Variants in PUS10 observed in about 807,000 individuals in gnomAD.
PUS10 encodes pseudouridine synthase 10, also known as tRNA pseudouridine synthase Pus10.
In PUS10, 59 loss-of-function variants were observed where a neutral mutation model predicts 75.0. The observed-to-expected ratio is 0.79, with a 90% CI of 0.64 to 0.98. PUS10 has a LOEUF of 0.98. PUS10 is among the 50% of genes least tolerant of loss of function. The probability of loss-of-function intolerance (pLI) is 0.00; values close to 1 mark genes in which losing one functional copy is unlikely to be tolerated. For missense variants in PUS10, 650 were observed against 614.4 expected (o/e 1.06, Z -0.61); for synonymous variants, 219 against 211.6 (o/e 1.03, Z -0.30).
chr2:60,974,211 CTTTTTTT>C (rs35241132), intron 4 of PUS10, among the ~76,000 whole-genome samples: 1 of 96,118 alleles, frequency 1.0e-5, no homozygotes, highest in South Asian at 3.4e-4. Flanking sequence ...GATAAAGCTC[CTTTTTTT>C]TTTTTTTTTT....
chr2:60,997,813 C>G (rs957042773), intron 4 of PUS10, among the ~76,000 whole-genome samples: 1 of 151,998 alleles, frequency 6.6e-6, no homozygotes, highest in African/African-American at 2.4e-5. Context: ...ACTAATCTAA[C>G]CAAAAATAGG....
intron 4 of PUS10, among the ~76,000 whole-genome samples, chr2:60,988,982 A>G (rs1168392134): frequency 6.6e-6 from 1 of 152,028 alleles, no homozygotes; most frequent in Non-Finnish European, 1.5e-5. Context: ...AGCAGTACAG[A>G]GGTTTGTTAA....
At chr2:60,967,226 C>T in intron 6 of PUS10, 1 of 286,362 alleles carries the variant, frequency 3.5e-6, no homozygotes, top group African/African-American at 2.5e-5. Context: ...TGCTTTGCAT[C>T]AAGGCAAAGA....
intron 4 of PUS10, among the ~76,000 whole-genome samples, chr2:60,992,959 T>G (rs925420370): frequency 1.3e-5 from 2 of 152,252 alleles, no homozygotes; most frequent in Admixed American, 6.5e-5. Flanking sequence ...TGCCATGGAT[T>G]TAATTTTTAA....
intron 16 of PUS10, among the ~76,000 whole-genome samples, chr2:60,945,718 C>A (rs941623627): frequency 4.6e-5 from 7 of 152,192 alleles, no homozygotes; most frequent in Admixed American, 3.3e-4. Flanking sequence ...CTTAAAGGGG[C>A]AACTTTGTAT....
chr2:61,018,153 C>A lies in PUS10; in HGVS notation c.-161G>T, dbSNP rs1175610326. 1 of 1,550,574 alleles carries A rather than the reference C, an allele frequency of 6.4e-7. No individual in the cohort carries two copies. Among genetic ancestry groups the A allele is most frequent in the Non-Finnish European group, 8.7e-7 (1 of 1,146,828 alleles). Reference sequence around the variant, plus strand: ...TTCCTACCTACCGCTTCTGTTTTCACTTTGACAGAATGGCTTCTCTATCTT... The same window carrying A: ...TTCCTACCTACCGCTTCTGTTTTCAATTTGACAGAATGGCTTCTCTATCTT... On this transcript the variant is annotated 5_prime_UTR_variant, in exon 1 of 18. Coordinates refer to ENST00000316752, the MANE Select transcript of PUS10 (RefSeq NM_144709.4).
At chr2:60,990,061 A>C (rs537140499) in intron 4 of PUS10, among the ~76,000 whole-genome samples, 1 of 152,172 alleles carries the variant, frequency 6.6e-6, no homozygotes, top group Non-Finnish European at 1.5e-5. Context: ...ACACAATAGC[A>C]ACACATATTG....
At chr2:61,009,284 A>C (rs1410265711) in intron 2 of PUS10, among the ~76,000 whole-genome samples, 1 of 152,212 alleles carries the variant, frequency 6.6e-6, no homozygotes, top group Non-Finnish European at 1.5e-5. Context: ...ATCTGAGGAG[A>C]AAGGCTCCAA....
intron 4 of PUS10, among the ~76,000 whole-genome samples, chr2:60,978,587 G>A (rs1377325750): frequency 1.3e-5 from 2 of 152,122 alleles, no homozygotes; most frequent in Non-Finnish European, 2.9e-5. Flanking sequence ...GAAATGCAAA[G>A]GAGGAAGCAG....
At chr2:60,975,579 C>G (rs1474457400) in intron 4 of PUS10, among the ~76,000 whole-genome samples, 1 of 150,282 alleles carries the variant, frequency 6.7e-6, no homozygotes, top group Admixed American at 6.7e-5. Context: ...TTAAACTTTT[C>G]TGGATGCCTA....
chr2:60,977,782 T>G (rs4560096), intron 4 of PUS10, among the ~76,000 whole-genome samples: 55,144 of 151,904 alleles, frequency 0.36, 10,529 homozygotes, highest in Middle Eastern at 0.45. Context: ...AAAGGCAGGC[T>G]CTGCTTCTCT....
chr2:60,964,995 A>G, intron 8 of PUS10, 63 bp downstream of exon 8: 1 of 1,425,554 alleles, frequency 7.0e-7, no homozygotes, highest in Non-Finnish European at 9.8e-7. Context: ...TTTTTGTTGG[A>G]AATTTGAATA....
chr2:60,943,893 A>C (rs1287909682), intron 17 of PUS10, among the ~76,000 whole-genome samples: 1 of 151,782 alleles, frequency 6.6e-6, no homozygotes, highest in Non-Finnish European at 1.5e-5. Flanking sequence ...GACACTCCTA[A>C]CTGTTCTGAG....
Position 60,946,305 on chromosome 2 carries a change from ATAAAG to A in PUS10, c.1452-1202_1452-1198del, listed in dbSNP as rs1479115948. Among the ~76,000 whole-genome samples, 3 of 152,250 alleles carry A rather than the reference ATAAAG, an allele frequency of 2.0e-5. No individual in the cohort carries two copies. In the East Asian group the frequency reaches 5.8e-4, roughly 29 times the overall value. ...ATCAATGTAAATATATAAGGTATAT[ATAAAG>A]TAAATTTAGTAAGTGAAAAATTAAT... is the stretch of plus-strand genomic sequence containing the variant. On this transcript the variant is annotated intron_variant, in intron 16 of 17. Transcript: ENST00000316752.
At chr2:61,017,725 G>A (rs557495907) in intron 1 of PUS10, 37 of 1,529,192 alleles carry the variant, frequency 2.4e-5, no homozygotes, top group South Asian at 2.0e-4. Flanking sequence ...TGGACAGTCA[G>A]GGGTAGGAGC....
At chr2:60,992,381 G>A (rs1481833860) in intron 4 of PUS10, among the ~76,000 whole-genome samples, 1 of 152,072 alleles carries the variant, frequency 6.6e-6, no homozygotes, top group Non-Finnish European at 1.5e-5. Flanking sequence ...TAGCATTCAT[G>A]ACTAGCTACT....
At chr2:60,978,317 G>A (rs2104468779) in intron 4 of PUS10, among the ~76,000 whole-genome samples, 2 of 151,456 alleles carry the variant, frequency 1.3e-5, no homozygotes, top group Non-Finnish European at 2.9e-5. Flanking sequence ...AGCTACTAGG[G>A]AGACTGAGGC....
chr2:60,992,984 C>A (rs1330450894), intron 4 of PUS10, among the ~76,000 whole-genome samples: 1 of 152,168 alleles, frequency 6.6e-6, no homozygotes, highest in Admixed American at 6.5e-5. Context: ...AAAAAACTAG[C>A]CCTCTGCAAG....
chr2:60,975,496 T>C (rs564467865), intron 4 of PUS10, among the ~76,000 whole-genome samples: 1 of 152,164 alleles, frequency 6.6e-6, no homozygotes, highest in African/African-American at 2.4e-5. Context: ...AAACCTAACT[T>C]TAGGTTTTAC....
Sources: allele counts gnomAD v4.1 joint callset (sites outside exome capture counted in the v4.1 genomes callset), GRCh38; gene constraint gnomAD v4.1.1; transcripts MANE v1.5; gene names NCBI Gene and HGNC (gene_info 2026-07-23, HGNC 2026-07-21).